The following ATP10B variants were observed in gnomAD, a reference collection of about 807,000 sequenced individuals.
ATP10B encodes the protein phospholipid-transporting ATPase VB.
ATP10B carries 122 observed loss-of-function variants against 141.2 expected under a neutral mutation model. The ratio of observed to expected loss-of-function variants is 0.86; its 90% CI spans 0.75 to 1.00. ATP10B has a LOEUF of 1.00. ATP10B is among the 50% of genes least tolerant of loss of function. ATP10B has a pLI of 0.00. For missense variants in ATP10B, 1,876 were observed against 1,825.3 expected, an observed-to-expected ratio of 1.03 and a Z score of -0.51; for synonymous variants, 685 against 692.0, an observed-to-expected ratio of 0.99 and a Z score of 0.16.
At chr5:160,852,975 G>A (rs1342805621), upstream of ATP10B, among the ~76,000 whole-genome samples, 2 of 152,156 alleles carry the variant, frequency 1.3e-5, no homozygotes, top group Non-Finnish European at 2.9e-5. Context: ...CTAACTTCAT[G>A]AAAATCTTTA....
At chr5:160,911,866 T>A in the ATP10B span, among the ~76,000 whole-genome samples, 1 of 152,194 alleles carries the variant, frequency 6.6e-6, no homozygotes, top group Non-Finnish European at 1.5e-5. Context: ...GCAACCTGCT[T>A]GTTAAACATA....
At chr5:160,914,393 T>A in the ATP10B span, among the ~76,000 whole-genome samples, 1 of 152,188 alleles carries the variant, frequency 6.6e-6, no homozygotes. Flanking sequence ...CGATTCCCTG[T>A]AGATACTAAA....
chr5:160,671,436 T>C (rs1312396127), intron 6 of ATP10B, among the ~76,000 whole-genome samples: 1 of 152,028 alleles, frequency 6.6e-6, no homozygotes, highest in Non-Finnish European at 1.5e-5. Context: ...TGTTTTTGAT[T>C]ATAAGGAGAG....
At chr5:160,840,271 T>C (rs1033756960) in intron 1 of ATP10B, among the ~76,000 whole-genome samples, 8 of 151,918 alleles carry the variant, frequency 5.3e-5, no homozygotes, top group South Asian at 2.1e-4. Context: ...GAAAAATAAA[T>C]GCATAAGAAT....
chr5:160,698,562 T>C (rs1764504270), intron 3 of ATP10B, among the ~76,000 whole-genome samples: 1 of 152,174 alleles, frequency 6.6e-6, no homozygotes, highest in Non-Finnish European at 1.5e-5. Flanking sequence ...ACTGGTGTGC[T>C]AAAGACATTT....
chr5:160,764,248 TAACAAC>T (rs144856001), intron 2 of ATP10B, among the ~76,000 whole-genome samples: 2 of 151,362 alleles, frequency 1.3e-5, no homozygotes, highest in Non-Finnish European at 3.0e-5. Context: ...GGAAAGGACA[TAACAAC>T]AACAACAACA....
intron 25 of ATP10B, among the ~76,000 whole-genome samples, chr5:160,567,774 T>C (rs920020489): frequency 1.3e-5 from 2 of 152,068 alleles, no homozygotes; most frequent in Non-Finnish European, 2.9e-5. Flanking sequence ...TTGTGCTTTA[T>C]TGCAGAGGTC....
intron 10 of ATP10B, 91 bp from the exon 11 acceptor site, chr5:160,636,400 T>C: frequency 2.1e-6 from 3 of 1,411,410 alleles, no homozygotes; most frequent in Non-Finnish European, 2.9e-6. Flanking sequence ...TTCCTAGAAA[T>C]GGGTGTGCTT....
chr5:160,613,612 C>T (rs1017333135), intron 17 of ATP10B, among the ~76,000 whole-genome samples: 10 of 152,156 alleles, frequency 6.6e-5, no homozygotes, highest in Non-Finnish European at 1.2e-4. Context: ...GCAGCAGTAG[C>T]CTGGACTGGC....
the ATP10B span, among the ~76,000 whole-genome samples, chr5:160,897,013 C>G: frequency 4.6e-5 from 7 of 152,154 alleles, 1 homozygote; most frequent in Admixed American, 4.6e-4. Flanking sequence ...TAAAACCTCT[C>G]AATAAACTAG....
chr5:160,863,454 C>A, the ATP10B span, among the ~76,000 whole-genome samples: 1 of 151,860 alleles, frequency 6.6e-6, no homozygotes, highest in Admixed American at 6.6e-5. Flanking sequence ...TGGGATACAG[C>A]AAAAGCTGCG....
intron 6 of ATP10B, among the ~76,000 whole-genome samples, chr5:160,679,635 T>A (rs1763254529): frequency 6.6e-6 from 1 of 152,230 alleles, no homozygotes; most frequent in South Asian, 2.1e-4. Flanking sequence ...TATTTGTAAG[T>A]TCCTCGTGAC....
Position 160,693,281 on chromosome 5 carries a change from CA to C in ATP10B, c.-204-4339del, listed in dbSNP as rs200110022. On this transcript the variant is annotated intron_variant, in intron 3 of 25. Coordinates refer to ENST00000327245, the MANE Select transcript of ATP10B (RefSeq NM_025153.3). ...CTACAGTTAGGTAATAGCATTTTAA[CA>C]ATCTCAAATTTCCTGATTTTGATAA... Among the ~76,000 whole-genome samples, 197 of 152,046 alleles carry C rather than the reference CA, an allele frequency of 1.3e-3. 1 individual carries two copies. Among genetic ancestry groups the C allele is most frequent in the East Asian group, 8.9e-3 (46 of 5,166 alleles).
chr5:160,782,479 A>ACACACT (rs1491014104), intron 2 of ATP10B, among the ~76,000 whole-genome samples: 1 of 139,914 alleles, frequency 7.1e-6, no homozygotes, highest in African/African-American at 2.7e-5. Flanking sequence ...ACACACACAC[A>ACACACT]CTCACTCACT....
the ATP10B span, among the ~76,000 whole-genome samples, chr5:160,919,476 C>T: frequency 6.6e-6 from 1 of 152,088 alleles, no homozygotes; most frequent in Non-Finnish European, 1.5e-5. Context: ...GGGGAGATGA[C>T]TGGGAGGAGT....
intron 7 of ATP10B, among the ~76,000 whole-genome samples, chr5:160,661,804 C>A (rs1761932230): frequency 6.6e-6 from 1 of 152,110 alleles, no homozygotes; most frequent in African/African-American, 2.4e-5. Context: ...CCAGGGCAAT[C>A]AGGCAGGAGA....
the ATP10B span, among the ~76,000 whole-genome samples, chr5:160,903,421 C>T: frequency 3.9e-5 from 6 of 152,298 alleles, no homozygotes; most frequent in South Asian, 2.1e-4. Flanking sequence ...CACGCTCTCA[C>T]AGGTCCAAAC....
the ATP10B span, among the ~76,000 whole-genome samples, chr5:160,861,263 C>T: frequency 6.6e-6 from 1 of 151,800 alleles, no homozygotes; most frequent in Admixed American, 6.6e-5. Flanking sequence ...CTATTTTACA[C>T]ACTAGAATAG....
intron 2 of ATP10B, among the ~76,000 whole-genome samples, chr5:160,773,489 T>A (rs1342353512): frequency 6.6e-6 from 1 of 152,230 alleles, no homozygotes; most frequent in Admixed American, 6.5e-5. Context: ...GTTGGAATGA[T>A]ACTAATACTA....
Sources: gnomAD v4.1 joint callset for allele counts (sites outside exome capture counted in the v4.1 genomes callset) on GRCh38, gnomAD v4.1.1 for gene constraint, MANE v1.5 for transcripts, NCBI Gene and HGNC (gene_info 2026-07-23, HGNC 2026-07-21) for gene names.